WDR27: variants seen among roughly 807,000 people sequenced by gnomAD.
The protein encoded by WDR27 is WD repeat-containing protein 27.
In WDR27, 100 loss-of-function variants were observed where a neutral mutation model predicts 114.4. The ratio of observed to expected loss-of-function variants is 0.87; its 90% confidence interval spans 0.74 to 1.03. WDR27 has a LOEUF of 1.03. WDR27 is among the 50% of genes least tolerant of loss of function. The probability of loss-of-function intolerance (pLI) is 0.00; values close to 1 mark genes in which losing one functional copy is unlikely to be tolerated. For synonymous variants in WDR27, 449 were observed against 423.1 expected, an observed-to-expected ratio of 1.06 and a Z score of -0.75; for missense variants, 1,129 against 1,092.9, an observed-to-expected ratio of 1.03 and a Z score of -0.47.
chr6:169,550,566 T>C (rs1797966320), intron 25 of WDR27, among the ~76,000 whole-genome samples: 2 of 151,866 alleles, frequency 1.3e-5, no homozygotes, highest in African/African-American at 4.8e-5. Flanking sequence ...ACTACAGGCA[T>C]GTGCCACCAT....
the WDR27 span, among the ~76,000 whole-genome samples, chr6:169,447,277 C>T: frequency 1.7e-3 from 263 of 152,242 alleles, 1 homozygote; most frequent in Non-Finnish European, 2.9e-3. Context: ...TTCAATTATA[C>T]GCAATTTAAA....
intron 8 of WDR27, 96 bp downstream of exon 8, chr6:169,664,070 C>G (rs1005563020): frequency 4.3e-6 from 5 of 1,161,056 alleles, no homozygotes; most frequent in Non-Finnish European, 3.5e-6. Context: ...ACATTGGGAT[C>G]TCTCTCTCCC....
intron 25 of WDR27, among the ~76,000 whole-genome samples, chr6:169,522,001 T>C (rs1355622312): frequency 1.3e-5 from 2 of 152,060 alleles, no homozygotes; most frequent in African/African-American, 2.4e-5. Flanking sequence ...TAACACTGAA[T>C]GTAAATGGAC....
the WDR27 span, among the ~76,000 whole-genome samples, chr6:169,443,992 C>A: frequency 1.3e-5 from 2 of 152,146 alleles, no homozygotes; most frequent in South Asian, 4.2e-4. Context: ...GCCATAGCCC[C>A]TCCTTCAGCT....
At chr6:169,614,456 C>T (rs1455647537) in intron 21 of WDR27, among the ~76,000 whole-genome samples, 3 of 152,064 alleles carry the variant, frequency 2.0e-5, no homozygotes, top group African/African-American at 7.2e-5. Context: ...GAGGCCAAGG[C>T]GGGCAGATCA....
At chr6:169,595,382 T>C (rs1806583497) in intron 23 of WDR27, among the ~76,000 whole-genome samples, 1 of 152,202 alleles carries the variant, frequency 6.6e-6, no homozygotes, top group African/African-American at 2.4e-5. Context: ...CTTGGTCCAC[T>C]CCTCTCTAAG....
intron 25 of WDR27, among the ~76,000 whole-genome samples, chr6:169,512,924 A>C (rs1458812952): frequency 6.6e-6 from 1 of 152,222 alleles, no homozygotes; most frequent in East Asian, 1.9e-4. Flanking sequence ...AACATGTATG[A>C]GATCACCACC....
At chr6:169,603,078 G>A (rs886348805) in intron 22 of WDR27, among the ~76,000 whole-genome samples, 2 of 151,654 alleles carry the variant, frequency 1.3e-5, no homozygotes, top group Non-Finnish European at 1.5e-5. Context: ...CTGACCTCAG[G>A]TAATCCACCT....
At chr6:169,447,348 A>G in the WDR27 span, among the ~76,000 whole-genome samples, 1 of 152,210 alleles carries the variant, frequency 6.6e-6, no homozygotes, top group East Asian at 1.9e-4. Context: ...TCTTTTATAA[A>G]AAGTTTTTCT....
intron 25 of WDR27, among the ~76,000 whole-genome samples, chr6:169,548,753 T>C (rs1797754107): frequency 1.3e-5 from 2 of 152,074 alleles, no homozygotes; most frequent in African/African-American, 4.8e-5. Context: ...CCCACATAAA[T>C]ACAGCCAACA....
At chr6:169,510,371 G>C (rs1422531264) in intron 25 of WDR27, among the ~76,000 whole-genome samples, 2 of 151,908 alleles carry the variant, frequency 1.3e-5, no homozygotes, top group Non-Finnish European at 2.9e-5. Flanking sequence ...GCAAAGACTT[G>C]GAACCAACCC....
chr6:169,467,432 C>T (rs1380819052), intron 25 of WDR27, among the ~76,000 whole-genome samples: 1 of 152,226 alleles, frequency 6.6e-6, no homozygotes, highest in African/African-American at 2.4e-5. Flanking sequence ...TCTGCCTGGA[C>T]ATTCAGGTGT....
At chr6:169,481,989 TTTCCCTCTATGTGCCA>T (rs1788217779) in intron 25 of WDR27, among the ~76,000 whole-genome samples, 1 of 152,232 alleles carries the variant, frequency 6.6e-6, no homozygotes, top group East Asian at 1.9e-4. Flanking sequence ...GTGTCTGTTG[TTTCCCTCTATGTGCCA>T]TGAGTTCTCA....
chr6:169,447,024 T>C, the WDR27 span, among the ~76,000 whole-genome samples: 1 of 152,236 alleles, frequency 6.6e-6, no homozygotes, highest in Non-Finnish European at 1.5e-5. Context: ...AAAAACGTAG[T>C]TGAAATTTCT....
At chr6:169,441,437 G>A in the WDR27 span, among the ~76,000 whole-genome samples, 6 of 152,290 alleles carry the variant, frequency 3.9e-5, no homozygotes, top group South Asian at 2.1e-4. Context: ...TCAGACCAGC[G>A]GCAGGTGGGA....
intron 25 of WDR27, among the ~76,000 whole-genome samples, chr6:169,568,470 G>A (rs1172384291): frequency 6.6e-6 from 1 of 152,122 alleles, no homozygotes; most frequent in Admixed American, 6.5e-5. Context: ...CACTCTTCAA[G>A]TCACTGCACT....
intron 25 of WDR27, among the ~76,000 whole-genome samples, chr6:169,492,229 A>T (rs1296083992): frequency 1.3e-5 from 2 of 152,066 alleles, no homozygotes; most frequent in Admixed American, 6.5e-5. Flanking sequence ...TTTGAAAAAA[A>T]AAAGCAGCAG....
intron 21 of WDR27, among the ~76,000 whole-genome samples, chr6:169,621,402 A>G (rs1351463553): frequency 1.3e-5 from 2 of 151,936 alleles, no homozygotes; most frequent in African/African-American, 2.4e-5. Context: ...ACATGCACAC[A>G]TGCCTATACA....
intron 2 of WDR27, among the ~76,000 whole-genome samples, chr6:169,681,048 CCTAA>C (rs1449121754): frequency 6.6e-6 from 1 of 152,186 alleles, no homozygotes; most frequent in Non-Finnish European, 1.5e-5. Flanking sequence ...GCCACCTCAA[CCTAA>C]CTGACATTTA....
Sources: allele counts gnomAD v4.1 joint callset (sites outside exome capture counted in the v4.1 genomes callset), GRCh38; gene constraint gnomAD v4.1.1; transcripts MANE v1.5; gene names NCBI Gene and HGNC (gene_info 2026-07-23, HGNC 2026-07-21).